PHOSPHO2: variants seen among roughly 807,000 people sequenced by gnomAD.
The protein encoded by PHOSPHO2 is pyridoxal phosphate phosphatase PHOSPHO2.
Under a neutral mutation model 16.4 loss-of-function variants are expected in PHOSPHO2, and 14 were observed. The observed-to-expected ratio is 0.85, with a 90% confidence interval of 0.56 to 1.33. The LOEUF is 1.33. PHOSPHO2 is among the 40% of genes most tolerant of loss of function. PHOSPHO2 has a pLI of 0.00. For synonymous variants in PHOSPHO2, 85 were observed against 90.5 expected (o/e 0.94, Z 0.34); for missense variants, 246 against 282.5 (o/e 0.87, Z 0.93).
intron 3 of PHOSPHO2, among the ~76,000 whole-genome samples, chr2:169,698,521 A>G (rs1016776695): frequency 5.5e-4 from 84 of 152,340 alleles, no homozygotes; most frequent in African/African-American, 1.8e-3. Flanking sequence ...GGTTGTGACA[A>G]TTAAATGGTA....
At position 169,701,565 on chromosome 2, in the gene PHOSPHO2, A is replaced by C. The variant is rs373295231; in HGVS notation, c.594A>C (p.Pro198=). The C allele has an allele frequency of 1.2e-6, 2 of 1,612,936 alleles. No homozygotes were observed. The highest frequency in any genetic ancestry group is 8.5e-7 in the Non-Finnish European group (1 of 1,179,990). ...TFLKNDDVAM[P]RKGYTLQKTL... ...TAAAGAATGATGATGTTGCCATGCC[A>C]CGGAAAGGATATACCTTACAGAAAA... is the stretch of plus-strand genomic sequence containing the variant. Residue 198 remains proline, a synonymous_variant, in exon 4 of 4, where the codon CCA becomes CCC. Transcript: ENST00000359744.
At chr2:169,700,463 T>C (rs951062967) in intron 3 of PHOSPHO2, among the ~76,000 whole-genome samples, 2 of 152,136 alleles carry the variant, frequency 1.3e-5, no homozygotes, top group African/African-American at 4.8e-5. Context: ...TCCCCATTGC[T>C]TGTTTTTGTT....
chr2:169,695,999 A>T (rs1687516155), intron 2 of PHOSPHO2, among the ~76,000 whole-genome samples: 1 of 152,212 alleles, frequency 6.6e-6, no homozygotes, highest in Non-Finnish European at 1.5e-5. Context: ...AGTCAGTAAG[A>T]CATGCAGAAC....
chr2:169,700,986 A>G lies in PHOSPHO2; in HGVS notation c.15A>G (p.Leu5=), dbSNP rs1232975493. The G allele has an allele frequency of 2.5e-6, 4 of 1,589,548 alleles. No individual in the cohort carries two copies. Among genetic ancestry groups the G allele is most frequent in the Non-Finnish European group, 3.4e-6 (4 of 1,170,266 alleles). Residue 5 remains leucine, a synonymous_variant, in exon 4 of 4, where the codon CTA becomes CTG. Coordinates refer to ENST00000359744, the MANE Select transcript of PHOSPHO2 (RefSeq NM_001008489.4). MKIL[L]VFDFDNTIID... ...TTTCTGGAACCATGAAAATTTTGCT[A>G]GTTTTTGACTTTGACAATACAATCA...
chr2:169,699,443 T>A (rs1558930768), intron 3 of PHOSPHO2, among the ~76,000 whole-genome samples: 1 of 152,228 alleles, frequency 6.6e-6, no homozygotes, highest in Non-Finnish European at 1.5e-5. Flanking sequence ...TTTAGGTTGA[T>A]CCCATGTCTT....
At chr2:169,698,748 CA>C (rs1687637634) in intron 3 of PHOSPHO2, among the ~76,000 whole-genome samples, 1 of 152,014 alleles carries the variant, frequency 6.6e-6, no homozygotes, top group Non-Finnish European at 1.5e-5. Flanking sequence ...CTAATGAAAA[CA>C]GAGACATAAG....
chr2:169,696,786 A>G (rs1370187575), intron 2 of PHOSPHO2, among the ~76,000 whole-genome samples: 1 of 152,242 alleles, frequency 6.6e-6, no homozygotes, highest in Non-Finnish European at 1.5e-5. Context: ...TATTGACAAC[A>G]GAATGTGGAA....
intron 1 of PHOSPHO2, among the ~76,000 whole-genome samples, chr2:169,694,928 T>C (rs1422644862): frequency 6.6e-6 from 1 of 152,220 alleles, no homozygotes; most frequent in Non-Finnish European, 1.5e-5. Context: ...TTTTTAAAAA[T>C]AGGAATGTTA....
rs1253981249 is a variant in PHOSPHO2, at chr2:169,701,342, A to G, written c.371A>G (p.Asn124Ser). The change falls in exon 4 of 4, where the codon AAT becomes AGT. Residue 124 changes from asparagine (N) to serine (S), a missense_variant. Transcript: ENST00000359744. ...GACATATTTGATAAAGTGTTTACAA[A>G]TCCAGCAGCTTTTAATAGCAATGGT... is the stretch of plus-strand genomic sequence containing the variant. ...FHDIFDKVFT[N>S]PAAFNSNGHL... The G allele has an allele frequency of 5.0e-6, 8 of 1,613,314 alleles. No homozygotes were observed. The highest frequency in any genetic ancestry group is 5.9e-6 in the Non-Finnish European group (7 of 1,179,764).
chr2:169,697,228 G>A (rs1458182361), intron 2 of PHOSPHO2, 133 bp from the exon 3 acceptor site: 1 of 152,188 alleles, frequency 6.6e-6, no homozygotes, highest in African/African-American at 2.4e-5. Flanking sequence ...TGTTAGCCAG[G>A]ATGGTCTCCA....
intron 2 of PHOSPHO2, among the ~76,000 whole-genome samples, chr2:169,696,086 A>T (rs1261078069): frequency 6.6e-6 from 1 of 152,184 alleles, no homozygotes; most frequent in Non-Finnish European, 1.5e-5. Flanking sequence ...AAAAGTATTG[A>T]ATCTCATGAT....
intron 3 of PHOSPHO2, chr2:169,697,860 T>A (rs1182947658): frequency 6.6e-6 from 1 of 152,230 alleles, no homozygotes; most frequent in African/African-American, 2.4e-5. Flanking sequence ...ACATTGTTTC[T>A]GTAGGAAAGT....
At chr2:169,700,888 AT>A in intron 3 of PHOSPHO2, 57 bp from the exon 4 acceptor site, 1 of 1,410,852 alleles carries the variant, frequency 7.1e-7, no homozygotes, top group East Asian at 2.3e-5. Flanking sequence ...TTAAATAAGT[AT>A]TTTAGCTAGA....
At chr2:169,699,430 G>A (rs1362590707) in intron 3 of PHOSPHO2, among the ~76,000 whole-genome samples, 1 of 152,136 alleles carries the variant, frequency 6.6e-6, no homozygotes, top group Admixed American at 6.5e-5. Context: ...TCATTGATGG[G>A]CATTTAGGTT....
chr2:169,697,040 G>A (rs1288738445), intron 2 of PHOSPHO2, among the ~76,000 whole-genome samples: 2 of 150,674 alleles, frequency 1.3e-5, no homozygotes, highest in Admixed American at 1.3e-4. Flanking sequence ...TTTTGACACG[G>A]AGTCTCGCTC....
intron 3 of PHOSPHO2, 117 bp downstream of exon 3, chr2:169,697,648 T>C (rs895431192): frequency 6.6e-6 from 1 of 152,250 alleles, no homozygotes; most frequent in African/African-American, 2.4e-5. Flanking sequence ...CTCAGTCTCA[T>C]GCTATTTTGA....
Position 169,701,358 on chromosome 2 carries a change from T to C in PHOSPHO2, c.387T>C (p.Asn129=), listed in dbSNP as rs1687749262. Residue 129 remains asparagine (N), a synonymous_variant, in exon 4 of 4, where the codon AAT becomes AAC. Coordinates refer to ENST00000359744, the MANE Select transcript of PHOSPHO2 (RefSeq NM_001008489.4). Reference sequence around the variant, plus strand: ...TGTTTACAAATCCAGCAGCTTTTAATAGCAATGGTCATCTCACTGTTGAAA... The same window carrying C: ...TGTTTACAAATCCAGCAGCTTTTAACAGCAATGGTCATCTCACTGTTGAAA... ...DKVFTNPAAF[N]SNGHLTVENY... is the part of the protein sequence containing the mutation. 2 of 1,613,498 alleles carry C rather than the reference T, an allele frequency of 1.2e-6. No homozygotes were observed. The highest frequency in any genetic ancestry group is 2.2e-5 in the East Asian group (1 of 44,870).
chr2:169,700,853 G>A (rs1687727446), intron 3 of PHOSPHO2, 93 bp from the exon 4 acceptor site: 7 of 1,237,174 alleles, frequency 5.7e-6, no homozygotes, highest in South Asian at 1.6e-5. Context: ...CCTCCCTTTA[G>A]CAGATTAACA....
At chr2:169,700,637 G>T (rs1399102167) in intron 3 of PHOSPHO2, among the ~76,000 whole-genome samples, 1 of 151,888 alleles carries the variant, frequency 6.6e-6, no homozygotes, top group Non-Finnish European at 1.5e-5. Flanking sequence ...AGTGTGGTTT[G>T]ATTGATAATT....
Sources: gnomAD v4.1 joint callset for allele counts (sites outside exome capture counted in the v4.1 genomes callset) on GRCh38, gnomAD v4.1.1 for gene constraint, MANE v1.5 for transcripts, NCBI Gene and HGNC (gene_info 2026-07-23, HGNC 2026-07-21) for gene names.